LIFR: variants seen among roughly 807,000 people sequenced by gnomAD.
LIFR encodes LIF receptor subunit alpha.
LIFR carries 84 observed loss-of-function variants against 122.2 expected under a neutral mutation model. That is an observed-to-expected ratio of 0.69 (90% confidence interval 0.58 to 0.82). The LOEUF is 0.82. LIFR is among the 40% of genes least tolerant of loss of function. The pLI is 0.00. For missense variants in LIFR, 1,294 were observed against 1,311.6 expected, an observed-to-expected ratio of 0.99 and a Z score of 0.21; for synonymous variants, 422 against 434.7, an observed-to-expected ratio of 0.97 and a Z score of 0.36.
chr5:38,581,256 C>A (rs1275094920), intron 1 of LIFR, among the ~76,000 whole-genome samples: 1 of 152,132 alleles, frequency 6.6e-6, no homozygotes, highest in African/African-American at 2.4e-5. Flanking sequence ...TCCTTAGCTT[C>A]TGCTGGCTTT....
upstream of LIFR, chr5:38,559,018 A>G (rs983206642): frequency 3.9e-5 from 6 of 152,252 alleles, no homozygotes; most frequent in Non-Finnish European, 7.3e-5. Flanking sequence ...TGTGGTGACA[A>G]TATATTGCTT....
intron 12 of LIFR, among the ~76,000 whole-genome samples, chr5:38,499,009 T>G (rs1459713070): frequency 2.0e-5 from 3 of 152,152 alleles, no homozygotes; most frequent in Non-Finnish European, 4.4e-5. Flanking sequence ...TACTTAAAAA[T>G]ATGGCAACAA....
At chr5:38,576,415 A>G (rs1343665166) in intron 1 of LIFR, among the ~76,000 whole-genome samples, 1 of 152,212 alleles carries the variant, frequency 6.6e-6, no homozygotes, top group Non-Finnish European at 1.5e-5. Context: ...TATCTAAAAC[A>G]GGCATAACCT....
chr5:38,491,534 G>T (rs572134433), intron 14 of LIFR, among the ~76,000 whole-genome samples: 6 of 152,190 alleles, frequency 3.9e-5, no homozygotes, highest in Non-Finnish European at 7.3e-5. Flanking sequence ...AATGCCGGGG[G>T]ACACGCAGGG....
intron 1 of LIFR, among the ~76,000 whole-genome samples, chr5:38,561,931 A>G (rs1389122931): frequency 6.6e-6 from 1 of 152,148 alleles, no homozygotes; most frequent in Non-Finnish European, 1.5e-5. Context: ...CCCCCGATAC[A>G]CTAACATTTG....
rs16904002 is a variant in LIFR at position 38,589,988 on chromosome 5, G to A, written c.-20+5273C>T. 5.9e-3 allele frequency among the ~76,000 whole-genome samples: 904 copies of A among 152,132 alleles called. 18 individuals are homozygous for A. The highest frequency in any genetic ancestry group is 0.02 in the African/African-American group (850 of 41,494). ...TTTAATTCTTACAAACCCGGGACAC[G>A]GATCCCATTTTGATTATTCCTACCA... is the stretch of plus-strand genomic sequence containing the variant. On this transcript the variant is annotated intron_variant, in intron 1 of 19. Coordinates refer to the LIFR transcript ENST00000263409.
chr5:38,580,460 C>T (rs562813149), intron 1 of LIFR, among the ~76,000 whole-genome samples: 1 of 152,246 alleles, frequency 6.6e-6, no homozygotes, highest in South Asian at 2.1e-4. Flanking sequence ...TAGATCTACT[C>T]CTTAAATCAT....
intron 5 of LIFR, among the ~76,000 whole-genome samples, chr5:38,522,178 G>A (rs542805315): frequency 8.5e-5 from 13 of 152,286 alleles, no homozygotes; most frequent in African/African-American, 3.1e-4. Flanking sequence ...TGTAGTCTGC[G>A]CTTCACTCAC....
chr5:38,601,218 G>C (rs377149234), intron 2 of LIFR, among the ~76,000 whole-genome samples: 1 of 152,170 alleles, frequency 6.6e-6, no homozygotes, highest in Non-Finnish European at 1.5e-5. Flanking sequence ...TTTCTGCCAC[G>C]TGAGGACACA....
chr5:38,524,052 C>T (rs916930165), intron 4 of LIFR, among the ~76,000 whole-genome samples: 1 of 152,180 alleles, frequency 6.6e-6, no homozygotes, highest in Admixed American at 6.5e-5. Context: ...AGGTAGGCAA[C>T]ATCAGAGAGA....
rs1007936502 is a variant in LIFR, at chr5:38,563,329, C to T, written c.-20+31932G>A. ...CCTGGACTATACCAATTAGTCTAAC[C>T]TTACTGGGTTTTTTCTTAACTCTAG... On this transcript the variant is annotated intron_variant, in intron 1 of 19. Transcript: ENST00000263409. 2.6e-5 allele frequency among the ~76,000 whole-genome samples: 4 copies of T among 152,132 alleles called. No individual in the cohort carries two copies. The East Asian group carries it at 7.7e-4, about 29-fold the overall frequency.
chr5:38,584,689 C>T (rs567150154), intron 1 of LIFR, among the ~76,000 whole-genome samples: 2 of 151,678 alleles, frequency 1.3e-5, no homozygotes, highest in East Asian at 1.9e-4. Flanking sequence ...GAGAATGAAA[C>T]AGTGGTTATG....
intron 15 of LIFR, among the ~76,000 whole-genome samples, 194 bp downstream of exon 15, chr5:38,489,996 A>G (rs1229197539): frequency 7.3e-5 from 4 of 54,608 alleles, no homozygotes; most frequent in African/African-American, 2.9e-4. Context: ...CCCTCTCTCA[A>G]AAAAAAAAAA....
intron 5 of LIFR, among the ~76,000 whole-genome samples, chr5:38,519,763 G>A (rs1746302851): frequency 6.6e-6 from 1 of 152,082 alleles, no homozygotes; most frequent in Non-Finnish European, 1.5e-5. Flanking sequence ...TTAGCGTAGT[G>A]GCCTCCAGTT....
At chr5:38,581,239 AG>A (rs995054899) in intron 1 of LIFR, among the ~76,000 whole-genome samples, 6 of 152,052 alleles carry the variant, frequency 3.9e-5, no homozygotes, top group African/African-American at 1.2e-4. Context: ...AAAACTTATC[AG>A]GTCACTCCTT....
At position 38,549,648 on chromosome 5, in the gene LIFR, G is replaced by A. The variant is rs570799726; in HGVS notation, c.-20+6686C>T. 1.3e-4 allele frequency among the ~76,000 whole-genome samples: 20 copies of A among 152,242 alleles called. No individual in the cohort carries two copies. In the East Asian group the frequency reaches 1.5e-3, roughly 12 times the overall value. ...CTACTAAAAATACAAAAAATTAGCC[G>A]GGCGTGGTAGCGGGTGCCCATAATC... On this transcript the variant is annotated intron_variant, in intron 1 of 19. Coordinates refer to ENST00000453190, the MANE Select transcript of LIFR (RefSeq NM_001127671.2).
chr5:38,572,719 A>G (rs1354549833), intron 1 of LIFR, among the ~76,000 whole-genome samples: 1 of 152,200 alleles, frequency 6.6e-6, no homozygotes, highest in Non-Finnish European at 1.5e-5. Context: ...TGAATTTGCC[A>G]TGGTTGTTAA....
At chr5:38,487,231 A>T (rs1337500793) in intron 16 of LIFR, among the ~76,000 whole-genome samples, 1 of 152,226 alleles carries the variant, frequency 6.6e-6, no homozygotes, top group Non-Finnish European at 1.5e-5. Flanking sequence ...CTCTTCTAGT[A>T]GCTTCTTGAG....
chr5:38,523,008 T>C (rs540452312), intron 5 of LIFR, among the ~76,000 whole-genome samples: 12 of 152,270 alleles, frequency 7.9e-5, no homozygotes, highest in South Asian at 4.1e-4. Context: ...TTCAAGCTTA[T>C]AGATTTATAA....
Sources: allele counts gnomAD v4.1 joint callset (sites outside exome capture counted in the v4.1 genomes callset), GRCh38; gene constraint gnomAD v4.1.1; transcripts MANE v1.5; gene names NCBI Gene and HGNC (gene_info 2026-07-23, HGNC 2026-07-21).